The following ERBIN variants were observed in gnomAD, a reference collection of about 807,000 sequenced individuals.
ERBIN encodes densin-180-like protein.
In ERBIN, 60 loss-of-function variants were observed where a neutral mutation model predicts 158.4. The observed-to-expected ratio is 0.38, with a 90% CI of 0.31 to 0.47. The LOEUF (loss-of-function observed/expected upper bound fraction) is 0.47, where lower values mean the gene tolerates loss of function less well. ERBIN is among the 20% of genes least tolerant of loss of function. The pLI is 0.99. For missense variants in ERBIN, 1,610 were observed against 1,648.0 expected, an observed-to-expected ratio of 0.98 and a Z score of 0.40; for synonymous variants, 594 against 557.2, an observed-to-expected ratio of 1.07 and a Z score of -0.93.
intron 21 of ERBIN, 49 bp from the exon 22 acceptor site, chr5:66,072,120 C>G (rs1761586981): frequency 6.6e-7 from 1 of 1,526,522 alleles, no homozygotes; most frequent in Non-Finnish European, 8.8e-7. Context: ...CTCTTGGTTT[C>G]ACATCTTAAA....
At chr5:66,040,056 G>T (rs1757779254) in intron 15 of ERBIN, among the ~76,000 whole-genome samples, 1 of 151,912 alleles carries the variant, frequency 6.6e-6, no homozygotes, top group African/African-American at 2.4e-5. Context: ...GTATTTCAAA[G>T]CTAAACCTGC....
chr5:66,028,155 T>C (rs1243379635), intron 13 of ERBIN, 119 bp from the exon 14 acceptor site: 37 of 571,734 alleles, frequency 6.5e-5, no homozygotes, highest in East Asian at 1.2e-4. Context: ...GATTTTTTTT[T>C]CTCCTATTTT....
At chr5:65,977,681 C>G (rs1054015389) in intron 1 of ERBIN, among the ~76,000 whole-genome samples, 1 of 151,478 alleles carries the variant, frequency 6.6e-6, no homozygotes, top group Non-Finnish European at 1.5e-5. Flanking sequence ...GACTGGGCAG[C>G]CAGGCAGAGG....
At position 66,053,407 on chromosome 5, in the gene ERBIN, C is replaced by A. The variant is rs1561429748; in HGVS notation, c.2089C>A (p.Gln697Lys). Residue 697 changes from glutamine to lysine, a missense_variant and splice_region_variant, in exon 21 of 26, where the codon CAA becomes AAA. Physicochemically the swap from Gln to Lys is moderately conservative, Grantham distance 53. Transcript: ENST00000284037. ...THIDINSKIR[Q>K]EDENFNSLLQ... ...TTCATAAAATTATCTTTATTTTAGG[C>A]AAGAAGATGAAAATTTTAACAGCCT... 2.1e-6 allele frequency: 3 copies of A among 1,438,330 alleles called. No individual in the cohort carries two copies. In the South Asian group the frequency reaches 5.3e-5, roughly 25 times the overall value. 89.1% of individuals were successfully genotyped at this position (1,438,330 alleles called of 1,614,324 possible).
chr5:66,066,309 C>G (rs1760987229), intron 21 of ERBIN, among the ~76,000 whole-genome samples: 1 of 152,004 alleles, frequency 6.6e-6, no homozygotes, highest in African/African-American at 2.4e-5. Flanking sequence ...ATTCACTCCC[C>G]TACACCCACC....
chr5:66,038,014 C>G (rs1184352304), intron 14 of ERBIN, among the ~76,000 whole-genome samples: 2 of 152,006 alleles, frequency 1.3e-5, no homozygotes, highest in Non-Finnish European at 2.9e-5. Flanking sequence ...AAGGGGAATA[C>G]TAGAGAGGGC....
At position 66,064,701 on chromosome 5, in the gene ERBIN, C is replaced by T. The variant is rs574911011; in HGVS notation, c.3634-7468C>T. 5.9e-5 allele frequency among the ~76,000 whole-genome samples: 9 copies of T among 152,242 alleles called. No homozygotes were observed. In the South Asian group the frequency reaches 1.9e-3, roughly 32 times the overall value. Reference sequence around the variant, plus strand: ...TTAGGAAACAGTTTCAATAATAAAACAGCCAAATGAGAGATACTTGAGCTG... The same window carrying T: ...TTAGGAAACAGTTTCAATAATAAAATAGCCAAATGAGAGATACTTGAGCTG... On this transcript the variant is annotated intron_variant, in intron 21 of 25. Transcript: ENST00000284037.
At chr5:66,064,501 A>C (rs1760788935) in intron 21 of ERBIN, among the ~76,000 whole-genome samples, 1 of 152,214 alleles carries the variant, frequency 6.6e-6, no homozygotes, top group South Asian at 2.1e-4. Context: ...AGAGTTAAGT[A>C]ATTTTCCCAG....
chr5:66,012,567 T>G (rs1300171646), intron 5 of ERBIN, among the ~76,000 whole-genome samples: 1 of 152,178 alleles, frequency 6.6e-6, no homozygotes, highest in Non-Finnish European at 1.5e-5. Flanking sequence ...GAAAAAACTA[T>G]ATGATTGGTT....
At position 65,937,449 on chromosome 5, in the gene ERBIN, A is replaced by G. The variant is rs191655559; in HGVS notation, c.-58+10643A>G. Reference sequence around the variant, plus strand: ...ATAGTAAATCCCCAAATATGTTTATACTATGTCAGGATTTTCTTTTTTTTA... The same window carrying G: ...ATAGTAAATCCCCAAATATGTTTATGCTATGTCAGGATTTTCTTTTTTTTA... On this transcript the variant is annotated intron_variant, in intron 1 of 25. Coordinates refer to ENST00000284037, the MANE Select transcript of ERBIN (RefSeq NM_001253697.2). 8.5e-5 allele frequency among the ~76,000 whole-genome samples: 13 copies of G among 152,238 alleles called. No homozygotes were observed. The East Asian group carries it at 1.5e-3, about 18-fold the overall frequency.
At chr5:66,051,531 T>C (rs905611308) in intron 20 of ERBIN, among the ~76,000 whole-genome samples, 2 of 152,082 alleles carry the variant, frequency 1.3e-5, no homozygotes, top group African/African-American at 4.8e-5. Context: ...AGAAATTTGG[T>C]TATCAGAGTA....
chr5:66,050,912 C>T lies in ERBIN; in HGVS notation c.2033C>T (p.Thr678Ile), dbSNP rs755606456. The change falls in exon 20 of 26, where the codon ACC (threonine) becomes ATC (isoleucine). Residue 678 changes from threonine to isoleucine, a missense_variant. Transcript: ENST00000284037. ...VSLNTDSSQD[T>I]SLCSPVKQTH... ...CTTAATACTGATAGTAGTCAAGACACCTCACTCTGCTCTCCAGTGAAACAA... is the reference window on the plus strand; with the variant it reads ...CTTAATACTGATAGTAGTCAAGACATCTCACTCTGCTCTCCAGTGAAACAA... 6.7e-5 allele frequency: 108 copies of T among 1,605,852 alleles called. No homozygotes were observed. The highest frequency in any genetic ancestry group is 8.8e-5 in the Non-Finnish European group (104 of 1,177,760).
rs780446414 is a variant in ERBIN at position 66,028,295 on chromosome 5, C to T, written c.1158C>T (p.Ser386=). 1.3e-5 allele frequency: 21 copies of T among 1,610,738 alleles called. No homozygotes were observed. In the East Asian group the frequency reaches 4.5e-4, roughly 34 times the overall value. ...ACAGATTAAAGAATTTACCCTTTAG[C>T]TTTACAAAGCTACAGCAATTGACAG... is the stretch of plus-strand genomic sequence containing the variant. ...SDNRLKNLPF[S]FTKLQQLTAM... is the part of the protein sequence containing the mutation. The change falls in exon 14 of 26, where the codon AGC becomes AGT. Residue 386 remains serine, a synonymous_variant. Transcript: ENST00000284037.
At chr5:66,033,950 A>C (rs144218455) in intron 14 of ERBIN, among the ~76,000 whole-genome samples, 1 of 152,044 alleles carries the variant, frequency 6.6e-6, no homozygotes, top group Non-Finnish European at 1.5e-5. Flanking sequence ...CTCTACTGAA[A>C]ATACAAAAAT....
At chr5:66,018,328 C>G (rs1167912610) in intron 7 of ERBIN, among the ~76,000 whole-genome samples, 1 of 142,688 alleles carries the variant, frequency 7.0e-6, no homozygotes, top group African/African-American at 2.6e-5. Context: ...TTTGTGTCCT[C>G]TTTAATTTCT....
intron 4 of ERBIN, among the ~76,000 whole-genome samples, chr5:66,004,397 C>CGCGCATGTGTGTATGT (rs1561360449): frequency 6.6e-6 from 1 of 151,552 alleles, no homozygotes; most frequent in African/African-American, 2.4e-5. Flanking sequence ...TGTGCGCGCG[C>CGCGCATGTGTGTATGT]GTGCGTGTGT....
intron 23 of ERBIN, 106 bp downstream of exon 23, chr5:66,075,336 A>G (rs567103204): frequency 1.1e-6 from 1 of 931,856 alleles, no homozygotes; most frequent in Middle Eastern, 3.4e-4. Context: ...CGTAGTTATT[A>G]CCATTTAAAG....
At position 65,978,002 on chromosome 5, in the gene ERBIN, C is replaced by G. The variant is rs901662014; in HGVS notation, c.-57-10633C>G. Among the ~76,000 whole-genome samples the G allele has an allele frequency of 2.8e-5, 3 of 105,476 alleles. No homozygotes were observed. In the Admixed American group the frequency reaches 3.0e-4, roughly 11 times the overall value. The allele number at this position is 105,476 out of a possible 152,430, so 69.2% of individuals were successfully genotyped here. On this transcript the variant is annotated intron_variant, in intron 1 of 25. Coordinates refer to ENST00000284037, the MANE Select transcript of ERBIN (RefSeq NM_001253697.2). ...GGGAGAGGGAGCGAGAAAGCTATTT[C>G]TAGGTTGGAAACAATGTCATGATTT...
chr5:66,005,474 AT>A (rs1176134819), intron 4 of ERBIN, among the ~76,000 whole-genome samples: 1 of 152,198 alleles, frequency 6.6e-6, no homozygotes, highest in South Asian at 2.1e-4. Flanking sequence ...CCATATGGAT[AT>A]TTAAAGCCTG....
Sources: allele counts gnomAD v4.1 joint callset (sites outside exome capture counted in the v4.1 genomes callset), GRCh38; gene constraint gnomAD v4.1.1; transcripts MANE v1.5; gene names NCBI Gene and HGNC (gene_info 2026-07-23, HGNC 2026-07-21).